ADAMTS17: variants seen among roughly 807,000 people sequenced by gnomAD.
ADAMTS17 encodes the protein A disintegrin and metalloproteinase with thrombospondin motifs 17.
In ADAMTS17, 113 loss-of-function variants were observed where a neutral mutation model predicts 141.5. The ratio of observed to expected loss-of-function variants is 0.80; its 90% confidence interval spans 0.69 to 0.93. ADAMTS17 has a LOEUF of 0.93. ADAMTS17 is among the 40% of genes least tolerant of loss of function. The pLI is 0.00. For synonymous variants in ADAMTS17, 768 were observed against 630.6 expected, an observed-to-expected ratio of 1.22 and a Z score of -3.27; for missense variants, 1,659 against 1,517.9, an observed-to-expected ratio of 1.09 and a Z score of -1.54.
intron 7 of ADAMTS17, among the ~76,000 whole-genome samples, chr15:100,232,742 T>G (rs1220446590): frequency 6.6e-6 from 1 of 152,178 alleles, no homozygotes; most frequent in South Asian, 2.1e-4. Context: ...ATTTGGCCCA[T>G]GCGGGACACC....
chr15:100,320,401 G>C (rs6598328), intron 3 of ADAMTS17, among the ~76,000 whole-genome samples: 11,896 of 152,248 alleles, frequency 0.078, 1,153 homozygotes, highest in African/African-American at 0.23. Flanking sequence ...AGAGAAGGCA[G>C]AGCATTACAC....
chr15:100,058,262 T>TAACCCCTCCTATCCCA (rs1567101895), intron 15 of ADAMTS17, among the ~76,000 whole-genome samples: 1 of 18,652 alleles, frequency 5.4e-5, no homozygotes, highest in Admixed American at 3.6e-4. Context: ...ATCCCGGCTC[T>TAACCCCTCCTATCCCA]GACACCCCTA....
At chr15:100,163,424 T>C (rs1043623538) in intron 8 of ADAMTS17, among the ~76,000 whole-genome samples, 2 of 150,516 alleles carry the variant, frequency 1.3e-5, no homozygotes, top group African/African-American at 2.5e-5. Context: ...TGCTTCATGA[T>C]CCACATTTTT....
At chr15:100,285,024 T>C (rs2044402047) in intron 3 of ADAMTS17, among the ~76,000 whole-genome samples, 2 of 152,218 alleles carry the variant, frequency 1.3e-5, no homozygotes, top group Non-Finnish European at 2.9e-5. Context: ...AGCCTTCTCC[T>C]GTTGTCACAG....
intron 8 of ADAMTS17, among the ~76,000 whole-genome samples, chr15:100,173,813 C>T (rs972271487): frequency 6.6e-6 from 1 of 152,180 alleles, no homozygotes; most frequent in African/African-American, 2.4e-5. Flanking sequence ...CAGGGGCCCA[C>T]CTCAGACCAA....
chr15:100,175,865 G>A lies in ADAMTS17; in HGVS notation c.1182-20545C>T, dbSNP rs116348107. ...CTCTTCCACACCCTCCAGTCCCAAG[G>A]CAGATTCATCATTCTCAATGTCACA... On this transcript the variant is annotated intron_variant, in intron 8 of 21. Transcript: ENST00000268070. 6.0e-3 allele frequency among the ~76,000 whole-genome samples: 907 copies of A among 151,938 alleles called. 10 individuals carry two copies. The highest frequency in any genetic ancestry group is 0.021 in the African/African-American group (880 of 41,418).
chr15:100,063,424 T>A (rs577199252), intron 15 of ADAMTS17, among the ~76,000 whole-genome samples: 9 of 152,316 alleles, frequency 5.9e-5, no homozygotes, highest in African/African-American at 1.7e-4. Context: ...CACTCTTCTA[T>A]GATCCTCCTT....
Position 100,285,645 on chromosome 15 carries a change from G to C in ADAMTS17, c.617-4244C>G, listed in dbSNP as rs181124452. Among the ~76,000 whole-genome samples, 5 of 152,354 alleles carry C rather than the reference G, an allele frequency of 3.3e-5. No homozygotes were observed. The East Asian group carries it at 7.7e-4, about 23-fold the overall frequency. ...AGTTGAGTTGAATAGGCAAGGAGTA[G>C]CCTGCTCCTGCCACAGACTTCTGAA... is the stretch of plus-strand genomic sequence containing the variant. On this transcript the variant is annotated intron_variant, in intron 3 of 21. Transcript: ENST00000268070.
Position 100,155,180 on chromosome 15 carries a change from T to C in ADAMTS17, c.1322A>G (p.Lys441Arg), listed in dbSNP as rs145156568. 177 of 1,614,106 alleles carry C rather than the reference T, an allele frequency of 1.1e-4. No individual in the cohort carries two copies. The highest frequency in any genetic ancestry group is 1.6e-4 in the Middle Eastern group (1 of 6,084). ...CCTATAGAATAATTCCAGGACTTAC[T>C]TGAGGAAGTTTTCAAGGTCATCTCG... ...CSRDDLENFL[K>R]SKVSTCLLVT... The change falls in exon 9 of 22, where the codon AAG (lysine) becomes AGG (arginine). Residue 441 changes from lysine (K) to arginine (R), a missense_variant and splice_region_variant. Transcript: ENST00000268070.
At chr15:100,222,826 T>C (rs2042175894) in intron 7 of ADAMTS17, among the ~76,000 whole-genome samples, 1 of 152,128 alleles carries the variant, frequency 6.6e-6, no homozygotes, top group African/African-American at 2.4e-5. Flanking sequence ...AGAGTAAGAG[T>C]GACCAACTCG....
At position 100,048,763 on chromosome 15, in the gene ADAMTS17, G is replaced by C. The variant is rs1233939730; in HGVS notation, c.2591+94C>G. 5.1e-6 allele frequency: 8 copies of C among 1,563,040 alleles called. No individual in the cohort carries two copies. In the African/African-American group the frequency reaches 9.5e-5, roughly 19 times the overall value. ...CAATAACGGAACACAGCATAGAGCAGTACTGTGGCATTAACTGCATATCAC... is the reference window on the plus strand; with the variant it reads ...CAATAACGGAACACAGCATAGAGCACTACTGTGGCATTAACTGCATATCAC... On this transcript the variant is annotated intron_variant, in intron 18 of 21. Coordinates refer to ENST00000268070, the MANE Select transcript of ADAMTS17 (RefSeq NM_139057.4).
intron 17 of ADAMTS17, 24 bp downstream of exon 17, chr15:100,051,548 A>G (rs1241595684): frequency 4.3e-6 from 7 of 1,612,502 alleles, no homozygotes; most frequent in Non-Finnish European, 5.9e-6. Flanking sequence ...CACACCCAAC[A>G]GGTCATGGAC....
At chr15:100,264,140 C>T (rs1002443422) in intron 4 of ADAMTS17, among the ~76,000 whole-genome samples, 30 of 152,202 alleles carry the variant, frequency 2.0e-4, no homozygotes, top group African/African-American at 5.5e-4. Context: ...CTCACTTCTG[C>T]GATTTCCAAA....
At chr15:100,244,483 G>T (rs1051089919) in intron 7 of ADAMTS17, among the ~76,000 whole-genome samples, 8 of 151,780 alleles carry the variant, frequency 5.3e-5, no homozygotes, top group African/African-American at 1.7e-4. Flanking sequence ...GAGGGACCTG[G>T]TGGGAGGTAA....
intron 7 of ADAMTS17, among the ~76,000 whole-genome samples, chr15:100,207,049 C>T (rs2041598788): frequency 6.6e-6 from 1 of 152,198 alleles, no homozygotes; most frequent in Non-Finnish European, 1.5e-5. Context: ...CCCTGAAATT[C>T]AGAGGTTGAA....
rs932548765 is a variant in ADAMTS17 at position 100,060,117 on chromosome 15, T to C, written c.2138-6063A>G. 1.5e-4 allele frequency among the ~76,000 whole-genome samples: 23 copies of C among 152,344 alleles called. 1 individual carries two copies. The highest frequency in any genetic ancestry group is 5.9e-4 in the Admixed American group (9 of 15,304). ...AGTGAAGAACAGGGGACTCCCCCAG[T>C]GATTTGATTTTATCTGTGAATTCTG... On this transcript the variant is annotated intron_variant, in intron 15 of 21. Transcript: ENST00000268070.
chr15:100,135,529 C>T (rs760238938), intron 10 of ADAMTS17, among the ~76,000 whole-genome samples: 29 of 152,224 alleles, frequency 1.9e-4, no homozygotes, highest in African/African-American at 6.7e-4. Flanking sequence ...GTGATCCACC[C>T]GTCTCAGTCT....
intron 4 of ADAMTS17, among the ~76,000 whole-genome samples, chr15:100,269,100 C>T (rs1322514732): frequency 5.9e-5 from 9 of 152,176 alleles, no homozygotes; most frequent in African/African-American, 2.2e-4. Context: ...AACTGGACCC[C>T]TATTTTTCAC....
At chr15:100,302,592 G>C (rs960614907) in intron 3 of ADAMTS17, among the ~76,000 whole-genome samples, 4 of 152,166 alleles carry the variant, frequency 2.6e-5, no homozygotes, top group African/African-American at 9.7e-5. Flanking sequence ...ATCCAAGCAG[G>C]AGTGAGGTGG....
Sources: allele counts gnomAD v4.1 joint callset (sites outside exome capture counted in the v4.1 genomes callset), GRCh38; gene constraint gnomAD v4.1.1; transcripts MANE v1.5; gene names NCBI Gene and HGNC (gene_info 2026-07-23, HGNC 2026-07-21).